Variants in DEUP1 observed in about 807,000 individuals in gnomAD.
DEUP1 encodes the protein deuterosome assembly protein 1.
A neutral mutation model predicts 87.4 loss-of-function variants in DEUP1; 82 were observed. That is an observed-to-expected ratio of 0.94 (90% CI 0.78 to 1.13). The LOEUF is 1.13. Ranked by LOEUF, DEUP1 falls within the 50% of genes most tolerant of loss-of-function variation. The probability of loss-of-function intolerance (pLI) is 0.00; values close to 1 mark genes in which losing one functional copy is unlikely to be tolerated. For synonymous variants in DEUP1, 214 were observed against 222.7 expected (o/e 0.96, Z 0.35); for missense variants, 663 against 681.5 (o/e 0.97, Z 0.30).
chr11:93,366,419 C>G (rs1192481161), intron 5 of DEUP1, among the ~76,000 whole-genome samples: 1 of 152,122 alleles, frequency 6.6e-6, no homozygotes, highest in East Asian at 1.9e-4. Context: ...TGACCCTGAT[C>G]CACTCTAAAC....
chr11:93,371,165 T>C lies in DEUP1; in HGVS notation c.674T>C (p.Phe225Ser), dbSNP rs1383528966. ...TGTGAAATCAATGAAAGAGATGAGT[T>C]CATTATTGAAAAACTGAAATCAGCT... ...PNCEINERDE[F>S]IIEKLKSAVN... Residue 225 changes from phenylalanine to serine, a missense_variant, in exon 7 of 14, where the codon TTC becomes TCC. By Grantham distance (155) the Phe-to-Ser change is radical. Coordinates refer to ENST00000298050, the MANE Select transcript of DEUP1 (RefSeq NM_181645.4). 5 of 1,613,166 alleles carry C rather than the reference T, an allele frequency of 3.1e-6. No individual in the cohort carries two copies. The highest frequency in any genetic ancestry group is 4.2e-6 in the Non-Finnish European group (5 of 1,179,552).
intron 11 of DEUP1, among the ~76,000 whole-genome samples, chr11:93,400,883 G>GA (rs1360704363): frequency 6.6e-6 from 1 of 151,998 alleles, no homozygotes; most frequent in Non-Finnish European, 1.5e-5. Flanking sequence ...CCAAGATCTG[G>GA]AATAAAATAA....
chr11:93,347,506 T>C (rs1330326463), intron 2 of DEUP1, among the ~76,000 whole-genome samples: 1 of 152,160 alleles, frequency 6.6e-6, no homozygotes, highest in Non-Finnish European at 1.5e-5. Context: ...TGCCAGGTTT[T>C]GGTCAGGATG....
At chr11:93,350,926 A>T (rs1944595997) in intron 2 of DEUP1, among the ~76,000 whole-genome samples, 1 of 151,602 alleles carries the variant, frequency 6.6e-6, no homozygotes, top group African/African-American at 2.4e-5. Flanking sequence ...ACTGCCCTCG[A>T]GCCTGGGCAA....
rs530228935 is a variant in DEUP1 at position 93,435,913 on chromosome 11, G to A, written c.1639-1630G>A. On this transcript the variant is annotated intron_variant, in intron 13 of 13. Transcript: ENST00000298050. ...CGGGAGGCTGAGGCAGGAGAATGGC[G>A]TGAACCCGGGAGGTGGAGCTTGCAG... Among the ~76,000 whole-genome samples, 1,045 of 151,662 alleles carry A rather than the reference G, an allele frequency of 6.9e-3. 12 individuals are homozygous for A. The highest frequency in any genetic ancestry group is 0.024 in the African/African-American group (999 of 41,320).
intron 2 of DEUP1, among the ~76,000 whole-genome samples, chr11:93,348,030 G>A (rs887799636): frequency 2.0e-5 from 3 of 152,136 alleles, no homozygotes; most frequent in Admixed American, 1.3e-4. Flanking sequence ...ATGAGCCACC[G>A]CACCCGGCCC....
intron 8 of DEUP1, among the ~76,000 whole-genome samples, chr11:93,386,600 G>C (rs567701996): frequency 6.6e-6 from 1 of 152,160 alleles, no homozygotes; most frequent in Non-Finnish European, 1.5e-5. Flanking sequence ...AAAGTTGTGA[G>C]ACCTGCTAGC....
At chr11:93,349,651 T>A (rs1944532740) in intron 2 of DEUP1, among the ~76,000 whole-genome samples, 1 of 151,950 alleles carries the variant, frequency 6.6e-6, no homozygotes, top group Non-Finnish European at 1.5e-5. Flanking sequence ...ACCATAGTCA[T>A]CCTTTTTTTT....
chr11:93,372,021 T>C (rs994044311), intron 7 of DEUP1, among the ~76,000 whole-genome samples: 23 of 150,300 alleles, frequency 1.5e-4, no homozygotes, highest in South Asian at 2.1e-4. Flanking sequence ...CTCCGCCTCC[T>C]GGGTTCACGC....
chr11:93,437,426 T>A, intron 13 of DEUP1, 117 bp from the exon 14 acceptor site: 1 of 719,142 alleles, frequency 1.4e-6, no homozygotes, highest in East Asian at 2.7e-5. Context: ...CAGGATGTAT[T>A]CTTTCATTAA....
intron 7 of DEUP1, among the ~76,000 whole-genome samples, chr11:93,383,160 A>G (rs1946380338): frequency 6.6e-6 from 1 of 152,234 alleles, no homozygotes; most frequent in Non-Finnish European, 1.5e-5. Flanking sequence ...AAGAGCTTAT[A>G]CATTAATTTT....
At chr11:93,362,782 A>G (rs1411011249) in intron 4 of DEUP1, among the ~76,000 whole-genome samples, 1 of 151,940 alleles carries the variant, frequency 6.6e-6, no homozygotes, top group Non-Finnish European at 1.5e-5. Flanking sequence ...AATATCTCAA[A>G]GTGGAAACAA....
chr11:93,396,349 A>T lies in DEUP1; in HGVS notation c.1326+24A>T, dbSNP rs537091152. On this transcript the variant is annotated intron_variant, in intron 11 of 13. Transcript: ENST00000298050. Reference sequence around the variant, plus strand: ...TGGTAATATGCTGACATCATTCAATAAATTGAACAAAGAGATTACTGAATT... The same window carrying T: ...TGGTAATATGCTGACATCATTCAATTAATTGAACAAAGAGATTACTGAATT... 13 of 1,366,038 alleles carry T rather than the reference A, an allele frequency of 9.5e-6. No homozygotes were observed. The East Asian group carries it at 3.2e-4, about 33-fold the overall frequency. 84.6% of individuals were successfully genotyped at this position (1,366,038 alleles called of 1,614,324 possible).
chr11:93,428,625 C>G (rs1375511800), intron 13 of DEUP1, among the ~76,000 whole-genome samples: 7 of 151,850 alleles, frequency 4.6e-5, no homozygotes, highest in Admixed American at 3.9e-4. Flanking sequence ...AGTTTTATAA[C>G]AAAACCATCA....
chr11:93,433,032 G>A (rs1025240321), intron 13 of DEUP1, among the ~76,000 whole-genome samples: 6 of 152,052 alleles, frequency 3.9e-5, no homozygotes, highest in African/African-American at 1.2e-4. Context: ...TAACTTCCAA[G>A]TCTGTCTCTC....
chr11:93,384,963 C>T (rs1946469405), intron 7 of DEUP1, among the ~76,000 whole-genome samples: 1 of 152,184 alleles, frequency 6.6e-6, no homozygotes, highest in Non-Finnish European at 1.5e-5. Context: ...GTGGCTCACG[C>T]CTGTAATCCC....
chr11:93,359,244 C>G (rs141477390), intron 4 of DEUP1, among the ~76,000 whole-genome samples: 116 of 152,308 alleles, frequency 7.6e-4, no homozygotes, highest in African/African-American at 2.7e-3. Flanking sequence ...TTTACAATTT[C>G]ATTTTCCTGA....
chr11:93,394,213 T>C (rs886072826), intron 9 of DEUP1, among the ~76,000 whole-genome samples: 2 of 152,178 alleles, frequency 1.3e-5, no homozygotes, highest in Non-Finnish European at 2.9e-5. Flanking sequence ...GTAGTATCAG[T>C]CATAGGTGAT....
intron 1 of DEUP1, among the ~76,000 whole-genome samples, chr11:93,331,613 A>G (rs1326285003): frequency 6.6e-6 from 1 of 152,208 alleles, no homozygotes; most frequent in Non-Finnish European, 1.5e-5. Flanking sequence ...ACATCTGGCT[A>G]GAATTTCTCT....
Sources: gnomAD v4.1 joint callset for allele counts (sites outside exome capture counted in the v4.1 genomes callset) on GRCh38, gnomAD v4.1.1 for gene constraint, MANE v1.5 for transcripts, NCBI Gene and HGNC (gene_info 2026-07-23, HGNC 2026-07-21) for gene names.